IMPG1: variants seen among roughly 807,000 people sequenced by gnomAD.
The protein encoded by IMPG1 is interphotoreceptor matrix proteoglycan of 150 kDa.
In IMPG1, 85 loss-of-function variants were observed where a neutral mutation model predicts 92.0. That is an observed-to-expected ratio of 0.92 (90% CI 0.78 to 1.11). IMPG1 has a LOEUF of 1.11. Among genes scored for constraint, IMPG1 ranks in the 50% least tolerant of loss-of-function variants. The pLI, the probability that IMPG1 is intolerant of heterozygous loss-of-function variation, is 0.00. For synonymous variants in IMPG1, 367 were observed against 334.1 expected, an observed-to-expected ratio of 1.10 and a Z score of -1.08; for missense variants, 1,022 against 956.0, an observed-to-expected ratio of 1.07 and a Z score of -0.91.
chr6:76,069,721 C>T (rs1461077827), intron 1 of IMPG1, among the ~76,000 whole-genome samples: 1 of 140,532 alleles, frequency 7.1e-6, no homozygotes, highest in Non-Finnish European at 1.5e-5. Context: ...ATGGAATCAA[C>T]CTAGGTGCCC....
intron 1 of IMPG1, among the ~76,000 whole-genome samples, chr6:76,068,510 CTTTT>C (rs1160277573): frequency 9.1e-6 from 1 of 110,192 alleles, no homozygotes; most frequent in Admixed American, 1.0e-4. Context: ...AATGTCCATA[CTTTT>C]TTTTTTTTTT....
At chr6:76,037,869 T>C (rs1783767983) in intron 2 of IMPG1, among the ~76,000 whole-genome samples, 1 of 152,260 alleles carries the variant, frequency 6.6e-6, no homozygotes, top group Non-Finnish European at 1.5e-5. Context: ...AGATATTATG[T>C]GACAATCTCT....
intron 3 of IMPG1, 91 bp from the exon 4 acceptor site, chr6:76,034,434 C>T: frequency 7.6e-7 from 1 of 1,313,338 alleles, no homozygotes; most frequent in African/African-American, 1.5e-5. Context: ...CTCCCTTAAC[C>T]TACACTTCAA....
chr6:75,946,086 C>T (rs1278830738), intron 14 of IMPG1, among the ~76,000 whole-genome samples: 1 of 152,202 alleles, frequency 6.6e-6, no homozygotes, highest in Non-Finnish European at 1.5e-5. Context: ...ACCCCTGGTT[C>T]CTTTTCAGTT....
chr6:76,056,392 AG>A (rs1270444824), intron 1 of IMPG1, among the ~76,000 whole-genome samples: 2 of 152,138 alleles, frequency 1.3e-5, no homozygotes, highest in African/African-American at 4.8e-5. Flanking sequence ...AAGCAAAAAA[AG>A]CTAAAATAAG....
chr6:76,008,798 C>T (rs1783139191), intron 8 of IMPG1, among the ~76,000 whole-genome samples: 1 of 152,138 alleles, frequency 6.6e-6, no homozygotes, highest in Non-Finnish European at 1.5e-5. Flanking sequence ...CCTGTCAAAC[C>T]ATTACCACAA....
At chr6:75,981,626 C>T (rs895279431) in intron 12 of IMPG1, among the ~76,000 whole-genome samples, 6 of 152,222 alleles carry the variant, frequency 3.9e-5, no homozygotes, top group Admixed American at 3.3e-4. Context: ...GTGCTTTTGC[C>T]AAGTTACAGT....
At chr6:76,022,629 A>G (rs771301730) in intron 5 of IMPG1, among the ~76,000 whole-genome samples, 4 of 152,340 alleles carry the variant, frequency 2.6e-5, no homozygotes, top group Non-Finnish European at 4.4e-5. Flanking sequence ...GAGGAATAAG[A>G]TTTTAATCAG....
intron 1 of IMPG1, among the ~76,000 whole-genome samples, chr6:76,056,030 A>G (rs1337564821): frequency 6.6e-6 from 1 of 152,056 alleles, no homozygotes; most frequent in African/African-American, 2.4e-5. Context: ...CAAAACGAGT[A>G]TGAGAAAAAA....
chr6:75,991,189 G>C, intron 12 of IMPG1, among the ~76,000 whole-genome samples: 1 of 152,122 alleles, frequency 6.6e-6, no homozygotes, highest in East Asian at 1.9e-4. Context: ...TCAGGAGATT[G>C]AGACTATCCT....
intron 12 of IMPG1, among the ~76,000 whole-genome samples, chr6:75,983,260 G>A (rs946528885): frequency 1.3e-5 from 2 of 151,858 alleles, no homozygotes; most frequent in Non-Finnish European, 2.9e-5. Flanking sequence ...TAATACAGAG[G>A]GAGAGAGCCT....
chr6:75,962,550 G>T (rs1782227475), intron 12 of IMPG1, among the ~76,000 whole-genome samples: 2 of 152,118 alleles, frequency 1.3e-5, no homozygotes, highest in Non-Finnish European at 2.9e-5. Context: ...AGGGAGAAGG[G>T]ATCAAGGAAT....
chr6:76,039,238 G>A (rs771391235), intron 2 of IMPG1, among the ~76,000 whole-genome samples: 1 of 152,200 alleles, frequency 6.6e-6, no homozygotes, highest in African/African-American at 2.4e-5. Context: ...TTTCTAACAA[G>A]TTTCCAGGTG....
intron 12 of IMPG1, among the ~76,000 whole-genome samples, chr6:75,977,304 G>A (rs2149468210): frequency 6.6e-6 from 1 of 152,050 alleles, no homozygotes; most frequent in Non-Finnish European, 1.5e-5. Context: ...AAAGACTTAA[G>A]CCGCCAGGCG....
At chr6:75,969,048 A>T (rs1782358487) in intron 12 of IMPG1, among the ~76,000 whole-genome samples, 1 of 152,198 alleles carries the variant, frequency 6.6e-6, no homozygotes, top group Non-Finnish European at 1.5e-5. Context: ...TGAATAAGCC[A>T]GGCATAGAAA....
At chr6:76,027,623 A>G (rs925629003) in intron 4 of IMPG1, among the ~76,000 whole-genome samples, 4 of 152,262 alleles carry the variant, frequency 2.6e-5, no homozygotes, top group Admixed American at 2.0e-4. Context: ...AATTGTGGAA[A>G]TTACTCTTGC....
intron 12 of IMPG1, among the ~76,000 whole-genome samples, chr6:75,965,512 C>CT (rs1461130938): frequency 5.3e-5 from 8 of 151,648 alleles, no homozygotes; most frequent in Non-Finnish European, 8.8e-5. Context: ...ATGTCCCTCC[C>CT]TATTTGGTAA....
At chr6:75,933,170 G>T (rs565689231) in intron 14 of IMPG1, among the ~76,000 whole-genome samples, 2 of 152,244 alleles carry the variant, frequency 1.3e-5, no homozygotes, top group East Asian at 3.9e-4. Context: ...GGGGCAAAGA[G>T]ACTTGAGATC....
chr6:76,045,096 G>C (rs1358419662), intron 1 of IMPG1, among the ~76,000 whole-genome samples: 1 of 152,098 alleles, frequency 6.6e-6, no homozygotes, highest in Non-Finnish European at 1.5e-5. Context: ...CATTTGCCTG[G>C]GATACCCCAG....
Sources: gnomAD v4.1 joint callset for allele counts (sites outside exome capture counted in the v4.1 genomes callset) on GRCh38, gnomAD v4.1.1 for gene constraint, MANE v1.5 for transcripts, NCBI Gene and HGNC (gene_info 2026-07-23, HGNC 2026-07-21) for gene names.